The following ERBB4 variants were observed in gnomAD, a reference collection of about 807,000 sequenced individuals.
ERBB4 encodes the protein receptor tyrosine-protein kinase erbB-4.
ERBB4 carries 42 observed loss-of-function variants against 158.0 expected under a neutral mutation model. That is an observed-to-expected ratio of 0.27 (90% CI 0.21 to 0.34). The LOEUF is 0.34. Ranked by LOEUF, ERBB4 falls within the 10% of genes least tolerant of loss-of-function variation. ERBB4 has a pLI of 1.00. For missense variants in ERBB4, 1,333 were observed against 1,624.1 expected (o/e 0.82, Z 3.08); for synonymous variants, 583 against 558.7 (o/e 1.04, Z -0.61).
intron 20 of ERBB4, among the ~76,000 whole-genome samples, chr2:211,525,961 C>T (rs1411450946): frequency 6.6e-6 from 1 of 152,102 alleles, no homozygotes; most frequent in Non-Finnish European, 1.5e-5. Context: ...TGGTTTTTCA[C>T]TCCAGTCCCT....
At chr2:212,177,934 GTGTT>G (rs1382770292) in intron 1 of ERBB4, among the ~76,000 whole-genome samples, 8 of 130,626 alleles carry the variant, frequency 6.1e-5, no homozygotes, top group Non-Finnish European at 4.9e-5. Context: ...AAGGCAAAGA[GTGTT>G]TGTGAGTGTT....
At chr2:211,605,379 G>A (rs2068943953) in intron 19 of ERBB4, among the ~76,000 whole-genome samples, 1 of 152,124 alleles carries the variant, frequency 6.6e-6, no homozygotes, top group African/African-American at 2.4e-5. Flanking sequence ...AGGGTCTCTT[G>A]AGACTTATCA....
intron 1 of ERBB4, among the ~76,000 whole-genome samples, chr2:212,195,123 A>G (rs2082385710): frequency 6.6e-6 from 1 of 152,022 alleles, no homozygotes; most frequent in Non-Finnish European, 1.5e-5. Flanking sequence ...GTTTATATAA[A>G]TTCGCCATTA....
chr2:211,960,895 G>T (rs1054668506), intron 2 of ERBB4: 7 of 151,982 alleles, frequency 4.6e-5, no homozygotes, highest in Admixed American at 2.0e-4. Flanking sequence ...ACGAATAAGT[G>T]AAAATAATTT....
chr2:211,577,958 C>T (rs1434872410), intron 19 of ERBB4, among the ~76,000 whole-genome samples: 1 of 152,094 alleles, frequency 6.6e-6, no homozygotes, highest in Non-Finnish European at 1.5e-5. Flanking sequence ...AAGTTCTGGC[C>T]AGGGCAATCA....
chr2:211,840,049 G>C (rs536146436), intron 3 of ERBB4, among the ~76,000 whole-genome samples: 30 of 152,076 alleles, frequency 2.0e-4, no homozygotes, highest in Non-Finnish European at 3.7e-4. Context: ...GAGGATGACA[G>C]TGAAGCTCTG....
rs147126005 is a variant in ERBB4 at position 211,668,444 on chromosome 2, G to A, written c.1717-2967C>T. ...TATATTCCCAAAGGCTTTAAGAACCGAGGCACAATAAATGAATTGATCAGT... is the reference window on the plus strand; with the variant it reads ...TATATTCCCAAAGGCTTTAAGAACCAAGGCACAATAAATGAATTGATCAGT... On this transcript the variant is annotated intron_variant, in intron 14 of 27. Coordinates refer to ENST00000342788, the MANE Select transcript of ERBB4 (RefSeq NM_005235.3). Among the ~76,000 whole-genome samples, 17 of 152,150 alleles carry A rather than the reference G, an allele frequency of 1.1e-4. No homozygotes were observed. In the East Asian group the frequency reaches 3.1e-3, roughly 28 times the overall value.
In ERBB4 at chr2:211,634,976, A is replaced by G. The variant is rs367937052; in HGVS notation, c.1947-4382T>C. ...CATGAGCCACCACTCCAGGCCTTGA[A>G]TGTGAATCTTGTATGTGAATCAGCG... is the stretch of plus-strand genomic sequence containing the variant. On this transcript the variant is annotated intron_variant, in intron 16 of 27. Coordinates refer to ENST00000342788, the MANE Select transcript of ERBB4 (RefSeq NM_005235.3). Among the ~76,000 whole-genome samples, 111 of 152,244 alleles carry G rather than the reference A, an allele frequency of 7.3e-4. No individual in the cohort carries two copies. In the South Asian group the frequency reaches 0.023, roughly 32 times the overall value.
At chr2:211,581,644 C>T (rs1024628158) in intron 19 of ERBB4, among the ~76,000 whole-genome samples, 3 of 152,106 alleles carry the variant, frequency 2.0e-5, no homozygotes, top group Non-Finnish European at 4.4e-5. Flanking sequence ...CTCTTTCTTC[C>T]CATCATTCCC....
chr2:211,502,535 C>G (rs2065642571), intron 20 of ERBB4, among the ~76,000 whole-genome samples: 1 of 152,094 alleles, frequency 6.6e-6, no homozygotes, highest in South Asian at 2.1e-4. Context: ...CGAAGCAAGG[C>G]CTCCATGAAC....
At chr2:212,053,835 CA>C (rs532964415) in intron 2 of ERBB4, among the ~76,000 whole-genome samples, 197 of 152,316 alleles carry the variant, frequency 1.3e-3, no homozygotes, top group Middle Eastern at 3.4e-3. Context: ...AATTCTTCCA[CA>C]GGGTTTTTAT....
intron 1 of ERBB4, among the ~76,000 whole-genome samples, chr2:212,430,428 G>A (rs530206843): frequency 2.7e-5 from 4 of 149,506 alleles, no homozygotes; most frequent in East Asian, 1.9e-4. Context: ...CAATTACTTC[G>A]CATGTTGGTT....
intron 2 of ERBB4, 115 bp from the exon 3 acceptor site, chr2:211,947,731 C>T: frequency 1.3e-6 from 1 of 790,424 alleles, no homozygotes; most frequent in Non-Finnish European, 2.1e-6. Context: ...TAGTTTAATA[C>T]ATTATTTTCC....
intron 5 of ERBB4, among the ~76,000 whole-genome samples, chr2:211,746,143 T>A (rs2074965559): frequency 6.6e-6 from 1 of 152,194 alleles, no homozygotes; most frequent in Non-Finnish European, 1.5e-5. Flanking sequence ...TTGGCCGGTG[T>A]GGTGGCTCAC....
intron 1 of ERBB4, among the ~76,000 whole-genome samples, chr2:212,420,790 C>G (rs1490162554): frequency 6.6e-6 from 1 of 152,102 alleles, no homozygotes; most frequent in African/African-American, 2.4e-5. Context: ...TCATTTCTTG[C>G]TCAATGGCTG....
intron 19 of ERBB4, among the ~76,000 whole-genome samples, chr2:211,574,631 G>C (rs964591466): frequency 6.6e-6 from 1 of 152,192 alleles, no homozygotes; most frequent in East Asian, 1.9e-4. Context: ...TTCTCATGAA[G>C]AGGATACTGT....
At chr2:211,852,182 C>A (rs2077736134) in intron 3 of ERBB4, among the ~76,000 whole-genome samples, 1 of 151,794 alleles carries the variant, frequency 6.6e-6, no homozygotes, top group Non-Finnish European at 1.5e-5. Flanking sequence ...GATTAATCAT[C>A]CAAAAACACT....
intron 1 of ERBB4, among the ~76,000 whole-genome samples, chr2:212,276,675 C>G (rs2085548298): frequency 6.6e-6 from 1 of 151,776 alleles, no homozygotes; most frequent in African/African-American, 2.4e-5. Context: ...CCAAAATGTG[C>G]TCGCTATCAG....
At chr2:212,294,383 G>A (rs2106189712) in intron 1 of ERBB4, among the ~76,000 whole-genome samples, 1 of 151,778 alleles carries the variant, frequency 6.6e-6, no homozygotes, top group African/African-American at 2.4e-5. Context: ...ATTCAAAGAG[G>A]GATTTTATTT....
Sources: allele counts gnomAD v4.1 joint callset (sites outside exome capture counted in the v4.1 genomes callset), GRCh38; gene constraint gnomAD v4.1.1; transcripts MANE v1.5; gene names NCBI Gene and HGNC (gene_info 2026-07-23, HGNC 2026-07-21).